TCF4: variants seen among roughly 807,000 people sequenced by gnomAD.
The protein encoded by TCF4 is SL3-3 enhancer factor 2.
A neutral mutation model predicts 82.1 loss-of-function variants in TCF4; 3 were observed. The ratio of observed to expected loss-of-function variants is 0.04; its 90% CI spans 0.02 to 0.09. The LOEUF (loss-of-function observed/expected upper bound fraction) is 0.09, where lower values mean the gene tolerates loss of function less well. Ranked by LOEUF, TCF4 falls within the 10% of genes least tolerant of loss-of-function variation. The pLI is 1.00. For synonymous variants in TCF4, 276 were observed against 309.6 expected (o/e 0.89, Z 1.14); for missense variants, 518 against 852.7 (o/e 0.61, Z 4.89).
At chr18:55,577,130 T>TTATATATG (rs1235302125) in intron 3 of TCF4, among the ~76,000 whole-genome samples, 5 of 123,674 alleles carry the variant, frequency 4.0e-5, no homozygotes, top group South Asian at 2.5e-4. Context: ...ATTTATATAT[T>TTATATATG]TATATATACA....
intron 3 of TCF4, among the ~76,000 whole-genome samples, chr18:55,488,075 T>C (rs911239262): frequency 6.6e-6 from 1 of 152,222 alleles, no homozygotes; most frequent in Non-Finnish European, 1.5e-5. Flanking sequence ...GGATTTGCTA[T>C]AAAACTGCAC....
At chr18:55,242,165 C>A (rs1179843970) in intron 15 of TCF4, among the ~76,000 whole-genome samples, 2 of 152,322 alleles carry the variant, frequency 1.3e-5, no homozygotes, top group East Asian at 3.9e-4. Context: ...CTGAGTGGAT[C>A]TCCAGAAATC....
chr18:55,287,230 C>T (rs1272934858), intron 8 of TCF4, among the ~76,000 whole-genome samples: 1 of 152,150 alleles, frequency 6.6e-6, no homozygotes, highest in African/African-American at 2.4e-5. Context: ...ATATGTATTT[C>T]CCCAAAAAGA....
At chr18:55,417,845 T>A (rs1055074792) in intron 5 of TCF4, among the ~76,000 whole-genome samples, 2 of 152,072 alleles carry the variant, frequency 1.3e-5, no homozygotes, top group African/African-American at 4.8e-5. Context: ...TCATTTAAAT[T>A]AAAAACAAAT....
At chr18:55,608,064 C>T (rs930580340) in intron 2 of TCF4, among the ~76,000 whole-genome samples, 2 of 152,190 alleles carry the variant, frequency 1.3e-5, no homozygotes, top group African/African-American at 2.4e-5. Flanking sequence ...CCACATGCTT[C>T]GTCTCACTGT....
At chr18:55,572,638 T>C (rs2097484466) in intron 3 of TCF4, among the ~76,000 whole-genome samples, 1 of 152,188 alleles carries the variant, frequency 6.6e-6, no homozygotes, top group Non-Finnish European at 1.5e-5. Flanking sequence ...AACAAAGACA[T>C]TCAGTAACTT....
At chr18:55,268,165 T>C (rs961602259) in intron 11 of TCF4, 19 of 152,102 alleles carry the variant, frequency 1.2e-4, no homozygotes, top group Admixed American at 7.9e-4. Context: ...AAACAGAGCC[T>C]AAGTATGTTT....
At chr18:55,412,695 A>C (rs2094396776) in intron 5 of TCF4, among the ~76,000 whole-genome samples, 1 of 152,176 alleles carries the variant, frequency 6.6e-6, no homozygotes, top group African/African-American at 2.4e-5. Flanking sequence ...TTCTGGCTGA[A>C]TGTAATAGAG....
At position 55,584,425 on chromosome 18, in the gene TCF4, A is replaced by G. The variant is rs55712106; in HGVS notation, c.145+855T>C. On this transcript the variant is annotated intron_variant, in intron 3 of 19. Coordinates refer to ENST00000354452, the MANE Select transcript of TCF4 (RefSeq NM_001083962.2). ...TGGACTTAAGCCACGGACTTAAAGG[A>G]TAGCAGGCAACAATGTATAACTTTT... Among the ~76,000 whole-genome samples the G allele has an allele frequency of 1.7e-3, 254 of 152,304 alleles. 2 individuals are homozygous for G. The highest frequency in any genetic ancestry group is 2.7e-3 in the Non-Finnish European group (183 of 67,982).
At chr18:55,260,910 G>C (rs370996908) in intron 12 of TCF4, among the ~76,000 whole-genome samples, 1 of 152,172 alleles carries the variant, frequency 6.6e-6, no homozygotes, top group East Asian at 1.9e-4. Flanking sequence ...TAAAATACCA[G>C]ATATACTCTC....
At chr18:55,603,300 T>C (rs682245) in intron 2 of TCF4, among the ~76,000 whole-genome samples, 72,555 of 151,946 alleles carry the variant, frequency 0.48, 18,352 homozygotes, top group Admixed American at 0.64. Flanking sequence ...CCTCAGTAAT[T>C]AGTCACCCTG....
Position 55,588,064 on chromosome 18 carries a change from G to C in TCF4, c.-47C>G. Reference sequence around the variant, plus strand: ...GCCCGCGCGCGAGAAGGGGCTCTCCGTGCACCGCCGGCGCCGAGGCGGCGT... The same window carrying C: ...GCCCGCGCGCGAGAAGGGGCTCTCCCTGCACCGCCGGCGCCGAGGCGGCGT... On this transcript the variant is annotated 5_prime_UTR_variant, in exon 1 of 20. Transcript: ENST00000354452. The C allele has an allele frequency of 1.0e-6, 1 of 991,308 alleles. No individual in the cohort carries two copies. Among genetic ancestry groups the C allele is most frequent in the Non-Finnish European group, 1.2e-6 (1 of 835,818 alleles). The allele number at this position is 991,308 out of a possible 1,614,324, so 61.4% of individuals were successfully genotyped here.
chr18:55,460,388 C>T (rs1054562542), intron 5 of TCF4, among the ~76,000 whole-genome samples: 1 of 152,038 alleles, frequency 6.6e-6, no homozygotes, highest in Non-Finnish European at 1.5e-5. Context: ...AGCAGAAAAA[C>T]ATGCTGAGGA....
chr18:55,259,980 T>A lies in TCF4; in HGVS notation c.1038A>T (p.Ser346=), dbSNP rs563405923. 5 of 1,613,352 alleles carry A rather than the reference T, an allele frequency of 3.1e-6. No individual in the cohort carries two copies. The African/African-American group carries it at 6.7e-5, about 22-fold the overall frequency. Residue 346 remains serine, a synonymous_variant, in exon 13 of 20, where the codon TCA becomes TCT. Coordinates refer to ENST00000354452, the MANE Select transcript of TCF4 (RefSeq NM_001083962.2). ...HTNNSFSSNP[S]TPVGSPPSLS... ...GAGATGGAGGAGAGCCAACAGGAGTTGAAGGGTTTGATGAAAAGCTGTTGT... is the reference window on the plus strand; with the variant it reads ...GAGATGGAGGAGAGCCAACAGGAGTAGAAGGGTTTGATGAAAAGCTGTTGT...
chr18:55,254,562 C>T lies in TCF4; in HGVS notation c.1285G>A (p.Ala429Thr). 3 of 1,613,804 alleles carry T rather than the reference C, an allele frequency of 1.9e-6. No homozygotes were observed. Among genetic ancestry groups the T allele is most frequent in the Non-Finnish European group, 2.5e-6 (3 of 1,179,850 alleles). ...HGIIGPSHNG[A>T]MGGLGSGYGT... Reference sequence around the variant, plus strand: ...TACCCTGAGCCCAGACCACCCATGGCTCCATTATGAGAAGGTCCAATGATT... The same window carrying T: ...TACCCTGAGCCCAGACCACCCATGGTTCCATTATGAGAAGGTCCAATGATT... The change falls in exon 15 of 20, where the codon GCC becomes ACC. Residue 429 changes from alanine to threonine, a missense_variant. This residue lies in a region of TCF4 where 144 missense variants were observed against 190.2 expected (regional missense o/e 0.76). Transcript: ENST00000354452.
chr18:55,257,981 A>G (rs2057250809), intron 13 of TCF4, among the ~76,000 whole-genome samples: 2 of 152,220 alleles, frequency 1.3e-5, no homozygotes, highest in Non-Finnish European at 2.9e-5. Context: ...GTAAAAAAAG[A>G]TTGCTGTTAG....
rs140225214 is a variant in TCF4, at chr18:55,425,183, G to C, written c.305-21665C>G. ...AGTACAGGCTAAGTTGGGTGAGAAA[G>C]TGTCCTACCTAAAATCTGCATGCCA... On this transcript the variant is annotated intron_variant, in intron 5 of 19. Coordinates refer to ENST00000354452, the MANE Select transcript of TCF4 (RefSeq NM_001083962.2). Among the ~76,000 whole-genome samples the C allele has an allele frequency of 1.3e-3, 196 of 152,334 alleles. 1 individual carries two copies. Among genetic ancestry groups the C allele is most frequent in the African/African-American group, 4.3e-3 (179 of 41,570 alleles).
chr18:55,432,292 G>C (rs2095225262), intron 5 of TCF4, among the ~76,000 whole-genome samples: 1 of 152,114 alleles, frequency 6.6e-6, no homozygotes, highest in African/African-American at 2.4e-5. Context: ...GACAGAGTGA[G>C]ACTCTGTCTC....
At chr18:55,385,614 C>T (rs897109558) in intron 6 of TCF4, among the ~76,000 whole-genome samples, 5 of 152,208 alleles carry the variant, frequency 3.3e-5, no homozygotes, top group Non-Finnish European at 5.9e-5. Context: ...CTGGCCAGGC[C>T]GGTCTCGAAC....
Sources: gnomAD v4.1 joint callset for allele counts (sites outside exome capture counted in the v4.1 genomes callset) on GRCh38, gnomAD v4.1.1 for gene constraint, gnomAD v4.1.1 regional missense constraint, MANE v1.5 for transcripts, NCBI Gene and HGNC (gene_info 2026-07-23, HGNC 2026-07-21) for gene names.